DLG2: variants seen among roughly 807,000 people sequenced by gnomAD.
The protein encoded by DLG2 is discs large MAGUK scaffold protein 2.
Under a neutral mutation model 132.5 loss-of-function variants are expected in DLG2, and 45 were observed. The ratio of observed to expected loss-of-function variants is 0.34; its 90% CI spans 0.27 to 0.44. The LOEUF is 0.44. Ranked by LOEUF, DLG2 falls within the 20% of genes least tolerant of loss-of-function variation. DLG2 has a pLI of 1.00. For synonymous variants in DLG2, 424 were observed against 419.6 expected (o/e 1.01, Z -0.13); for missense variants, 1,045 against 1,196.9 (o/e 0.87, Z 1.87).
chr11:85,331,643 C>G (rs759797332), intron 3 of DLG2, among the ~76,000 whole-genome samples: 15 of 152,090 alleles, frequency 9.9e-5, no homozygotes, highest in Non-Finnish European at 1.8e-4. Context: ...GTAGTAGGCC[C>G]CGGTGGCTAT....
chr11:85,249,627 G>T (rs1012081545), intron 4 of DLG2, among the ~76,000 whole-genome samples: 1 of 152,040 alleles, frequency 6.6e-6, no homozygotes, highest in Admixed American at 6.6e-5. Context: ...CTGAAAAAAT[G>T]CAGTGACACT....
chr11:85,058,348 T>C lies in DLG2; in HGVS notation c.357+53313A>G, dbSNP rs187235053. 2.8e-3 allele frequency among the ~76,000 whole-genome samples: 427 copies of C among 151,642 alleles called. 1 individual carries two copies. Among genetic ancestry groups the C allele is most frequent in the African/African-American group, 8.7e-3 (363 of 41,518 alleles). On this transcript the variant is annotated intron_variant, in intron 6 of 27. Coordinates refer to ENST00000376104, the MANE Select transcript of DLG2 (RefSeq NM_001142699.3). ...TAAATGTAATGAGATGTTCAAGAATTCTACACAGTGAATTATAAAGTATTG... is the reference window on the plus strand; with the variant it reads ...TAAATGTAATGAGATGTTCAAGAATCCTACACAGTGAATTATAAAGTATTG...
At chr11:83,813,326 G>A (rs1372172342) in intron 17 of DLG2, among the ~76,000 whole-genome samples, 1 of 152,158 alleles carries the variant, frequency 6.6e-6, no homozygotes, top group African/African-American at 2.4e-5. Context: ...TTCAAAGTGA[G>A]AACAAATTTC....
At chr11:84,091,731 G>C (rs574651299) in intron 10 of DLG2, among the ~76,000 whole-genome samples, 1 of 152,308 alleles carries the variant, frequency 6.6e-6, no homozygotes, top group East Asian at 1.9e-4. Context: ...ATCTAGACGT[G>C]ACTCAGAGGA....
At chr11:84,037,289 ATCT>A (rs1195771317) in intron 11 of DLG2, among the ~76,000 whole-genome samples, 2 of 152,146 alleles carry the variant, frequency 1.3e-5, no homozygotes, top group Non-Finnish European at 1.5e-5. Context: ...TTTTTAAAAA[ATCT>A]TCTCCACACA....
chr11:85,530,533 G>A (rs956902017), intron 3 of DLG2, among the ~76,000 whole-genome samples: 1 of 151,582 alleles, frequency 6.6e-6, no homozygotes, highest in Non-Finnish European at 1.5e-5. Context: ...ATATTGGCTA[G>A]GCTGGTCTTG....
intron 7 of DLG2, among the ~76,000 whole-genome samples, chr11:84,366,045 G>A (rs527724692): frequency 6.6e-6 from 1 of 152,184 alleles, no homozygotes; most frequent in South Asian, 2.1e-4. Flanking sequence ...AGGAAAAAAT[G>A]TGAAGAGCAG....
chr11:84,885,069 ACTT>A (rs1273161428), intron 6 of DLG2, among the ~76,000 whole-genome samples: 1 of 151,956 alleles, frequency 6.6e-6, no homozygotes, highest in Non-Finnish European at 1.5e-5. Context: ...CACTCACCTC[ACTT>A]CTTCTTATCA....
chr11:84,536,958 A>G (rs967891633), intron 6 of DLG2, among the ~76,000 whole-genome samples: 3 of 152,006 alleles, frequency 2.0e-5, no homozygotes, highest in Non-Finnish European at 4.4e-5. Flanking sequence ...AATTCTCTAC[A>G]CTGATCCAGG....
chr11:85,435,266 A>C (rs1008563649), intron 3 of DLG2, among the ~76,000 whole-genome samples: 1 of 152,218 alleles, frequency 6.6e-6, no homozygotes, highest in Non-Finnish European at 1.5e-5. Context: ...CAAGACAAGG[A>C]TGCCCTTTCT....
chr11:84,245,231 T>C lies in DLG2; in HGVS notation c.573+6007A>G, dbSNP rs78044626. Among the ~76,000 whole-genome samples the C allele has an allele frequency of 6.4e-3, 981 of 152,316 alleles. 6 individuals carry two copies. The highest frequency in any genetic ancestry group is 0.011 in the Non-Finnish European group (732 of 68,028). ...CTGACACTCATGTGTTCAGCCTTTT[T>C]TTTGGTTCATCTTTTTCCCTTTAGT... On this transcript the variant is annotated intron_variant, in intron 8 of 27. Coordinates refer to ENST00000376104, the MANE Select transcript of DLG2 (RefSeq NM_001142699.3).
At chr11:83,739,974 G>A (rs1391351002) in intron 18 of DLG2, among the ~76,000 whole-genome samples, 2 of 152,172 alleles carry the variant, frequency 1.3e-5, no homozygotes, top group African/African-American at 4.8e-5. Flanking sequence ...GAGGAATGAG[G>A]AAGGTGATGA....
chr11:84,118,864 G>T (rs1174267433), intron 9 of DLG2, among the ~76,000 whole-genome samples: 1 of 152,134 alleles, frequency 6.6e-6, no homozygotes, highest in African/African-American at 2.4e-5. Context: ...AAAAAATGTT[G>T]TTCTATCTTG....
intron 6 of DLG2, among the ~76,000 whole-genome samples, chr11:84,587,641 C>T (rs2099532877): frequency 6.6e-6 from 1 of 152,090 alleles, no homozygotes; most frequent in Non-Finnish European, 1.5e-5. Flanking sequence ...CATCTGATGG[C>T]AGACTTGCTC....
intron 14 of DLG2, among the ~76,000 whole-genome samples, chr11:83,945,845 T>TGTGTGTG (rs1555194131): frequency 2.4e-4 from 36 of 150,624 alleles, no homozygotes; most frequent in African/African-American, 7.1e-4. Flanking sequence ...TGTGTGTGTG[T>TGTGTGTG]TTTCTAATGT....
intron 11 of DLG2, among the ~76,000 whole-genome samples, chr11:84,010,385 T>A (rs1160404644): frequency 2.0e-5 from 3 of 151,994 alleles, no homozygotes; most frequent in African/African-American, 7.2e-5. Context: ...CTTGAACTTC[T>A]GAGCTCAAGC....
chr11:84,248,698 A>G (rs1425064741), intron 8 of DLG2, among the ~76,000 whole-genome samples: 1 of 152,174 alleles, frequency 6.6e-6, no homozygotes, highest in Non-Finnish European at 1.5e-5. Context: ...CTACTAAAAA[A>G]TACAAAAAAC....
intron 19 of DLG2, among the ~76,000 whole-genome samples, chr11:83,624,689 G>C (rs2062193519): frequency 6.6e-6 from 1 of 152,120 alleles, no homozygotes; most frequent in Non-Finnish European, 1.5e-5. Flanking sequence ...TGTGAACTAG[G>C]TACTATGTCC....
At chr11:84,110,488 G>A (rs1156968681) in intron 9 of DLG2, among the ~76,000 whole-genome samples, 1 of 152,162 alleles carries the variant, frequency 6.6e-6, no homozygotes. Context: ...GTCAAGACAG[G>A]ATTAAATCTA....
Sources: gnomAD v4.1 joint callset for allele counts (sites outside exome capture counted in the v4.1 genomes callset) on GRCh38, gnomAD v4.1.1 for gene constraint, MANE v1.5 for transcripts, NCBI Gene and HGNC (gene_info 2026-07-23, HGNC 2026-07-21) for gene names.